The following ALOXE3 variants were observed in gnomAD, a reference collection of about 807,000 sequenced individuals.
ALOXE3 encodes the protein arachidonate epidermal lipoxygenase 3, also known as hydroperoxide isomerase ALOXE3.
In ALOXE3, 78 loss-of-function variants were observed where a neutral mutation model predicts 87.5. That is an observed-to-expected ratio of 0.89 (90% CI 0.74 to 1.08). The LOEUF (loss-of-function observed/expected upper bound fraction) is 1.08. Among genes scored for constraint, ALOXE3 ranks in the 50% least tolerant of loss-of-function variants. The pLI is 0.00. For missense variants in ALOXE3, 946 were observed against 912.4 expected, an observed-to-expected ratio of 1.04 and a Z score of -0.47; for synonymous variants, 363 against 370.8, an observed-to-expected ratio of 0.98 and a Z score of 0.24.
In ALOXE3 at chr17:8,118,461, C is replaced by T. The variant is rs1281747265; in HGVS notation, c.-314+25G>A. 2.6e-6 allele frequency: 4 copies of T among 1,549,658 alleles called. No homozygotes were observed. The African/African-American group carries it at 5.5e-5, about 21-fold the overall frequency. On this transcript the variant is annotated intron_variant, in intron 1 of 15. Transcript: ENST00000448843. ...CCCCAAGATCTGTTCCTCCCCATTC[C>T]CAGGCAGAGATGAGCACAGGGCACC...
At chr17:8,106,301 T>A (rs943721522) in intron 13 of ALOXE3, among the ~76,000 whole-genome samples, 9 of 151,620 alleles carry the variant, frequency 5.9e-5, no homozygotes, top group Non-Finnish European at 1.3e-4. Context: ...AACAGAGAGG[T>A]TGGGAGGCAA....
chr17:8,096,797 C>A lies in ALOXE3; in HGVS notation c.1966G>T (p.Gly656Cys). 1 of 1,614,086 alleles carries A rather than the reference C, an allele frequency of 6.2e-7. No homozygotes were observed. Among genetic ancestry groups the A allele is most frequent in the Non-Finnish European group, 8.5e-7 (1 of 1,180,002 alleles). The change falls in exon 16 of 16, where the codon GGC (glycine) becomes TGC (cysteine). Residue 656 changes from glycine (G) to cysteine (C), a missense_variant. Physicochemically the swap from Gly to Cys is radical, Grantham distance 159. Coordinates refer to ENST00000448843, the MANE Select transcript of ALOXE3 (RefSeq NM_021628.3). The part of the protein sequence containing the change: ...SQEPKDQRPL[G>C]TYPDEHFTEE... ...GTGAAGTGCTCATCTGGGTAGGTGC[C>A]CAGGGGCCTCTGGGAGGACATCAGG... is the stretch of plus-strand genomic sequence containing the variant.
intron 3 of ALOXE3, among the ~76,000 whole-genome samples, chr17:8,116,102 T>C (rs1980564853): frequency 6.6e-6 from 1 of 152,220 alleles, no homozygotes. Flanking sequence ...GGATGAGAGT[T>C]TATAGTGAGG....
Position 8,118,141 on chromosome 17 carries a change from T to A in ALOXE3, c.-151A>T. Reference sequence around the variant, plus strand: ...AGGGCTGAGGATGGGCCCAGCTCTCTCTGGGATGTTCCTGGGCTTTCTCTC... The same window carrying A: ...AGGGCTGAGGATGGGCCCAGCTCTCACTGGGATGTTCCTGGGCTTTCTCTC... On this transcript the variant is annotated 5_prime_UTR_variant, in exon 2 of 16. Transcript: ENST00000448843. 1.3e-6 allele frequency: 2 copies of A among 1,551,422 alleles called. No individual in the cohort carries two copies. Among genetic ancestry groups the A allele is most frequent in the Non-Finnish European group, 1.7e-6 (2 of 1,147,016 alleles).
intron 8 of ALOXE3, 52 bp downstream of exon 8, chr17:8,111,307 G>C: frequency 1.2e-6 from 2 of 1,605,736 alleles, no homozygotes; most frequent in East Asian, 2.2e-5. Flanking sequence ...GTCCATAATG[G>C]TGACACACCC....
intron 5 of ALOXE3, 105 bp downstream of exon 5, chr17:8,114,833 T>C: frequency 6.5e-7 from 1 of 1,548,522 alleles, no homozygotes; most frequent in East Asian, 2.2e-5. Context: ...TGAAACTGCA[T>C]TGTCATAGAC....
chr17:8,117,950 A>G lies in ALOXE3; in HGVS notation c.41T>C (p.Leu14Pro), dbSNP rs1214685616. 6 of 1,612,250 alleles carry G rather than the reference A, an allele frequency of 3.7e-6. No homozygotes were observed. Among genetic ancestry groups the G allele is most frequent in the Non-Finnish European group, 5.1e-6 (6 of 1,179,664 alleles). The change falls in exon 2 of 16, where the codon CTG becomes CCG. Residue 14 changes from leucine (L) to proline (P), a missense_variant. Transcript: ENST00000448843. ...YRLCVTTGPY[L>P]RAGTLDNISV... is the part of the protein sequence containing the mutation. ...GATGTTGTCCAGTGTGCCGGCCCTC[A>G]GGTAGGGACCAGTGGTCACACACAG...
upstream of ALOXE3, chr17:8,118,656 C>A: frequency 6.5e-7 from 1 of 1,537,284 alleles, no homozygotes; most frequent in Non-Finnish European, 8.7e-7. Flanking sequence ...GATCCCCCCA[C>A]GCATGGCCCT....
chr17:8,113,702 G>T (rs1433849229), intron 6 of ALOXE3, among the ~76,000 whole-genome samples: 1 of 151,804 alleles, frequency 6.6e-6, no homozygotes, highest in African/African-American at 2.4e-5. Flanking sequence ...ACAAGTAGGC[G>T]TGTGGCAATA....
At chr17:8,109,383 T>TC (rs1411351370) in intron 11 of ALOXE3, 40 bp from the exon 12 acceptor site, 1 of 1,606,324 alleles carries the variant, frequency 6.2e-7, no homozygotes, top group South Asian at 1.1e-5. Flanking sequence ...GCCGGCCCAA[T>TC]CCCCACCCTA....
chr17:8,116,679 C>T, intron 3 of ALOXE3, 97 bp downstream of exon 3: 51 of 1,425,092 alleles, frequency 3.6e-5, no homozygotes, highest in Non-Finnish European at 4.9e-5. Flanking sequence ...TTTCTGACCT[C>T]AATCTTATTC....
chr17:8,100,336 A>C (rs1345877079), intron 15 of ALOXE3, among the ~76,000 whole-genome samples: 1 of 152,064 alleles, frequency 6.6e-6, no homozygotes, highest in Non-Finnish European at 1.5e-5. Context: ...ATGGAGAGAG[A>C]GAAAAACCAC....
chr17:8,106,017 A>G (rs1276541693), intron 13 of ALOXE3, among the ~76,000 whole-genome samples: 1 of 151,192 alleles, frequency 6.6e-6, no homozygotes, highest in African/African-American at 2.4e-5. Flanking sequence ...CTGCAGAGGC[A>G]TGCAGGGCCA....
intron 2 of ALOXE3, 140 bp from the exon 3 acceptor site, chr17:8,117,120 T>A: frequency 1.2e-6 from 1 of 815,814 alleles, no homozygotes; most frequent in Non-Finnish European, 1.9e-6. Context: ...GGCTTTTGTA[T>A]GAATTAGAAA....
At chr17:8,113,902 G>T (rs1980330237) in intron 6 of ALOXE3, among the ~76,000 whole-genome samples, 1 of 151,862 alleles carries the variant, frequency 6.6e-6, no homozygotes. Flanking sequence ...GCACCTGCCT[G>T]TAGTCCCAGC....
At chr17:8,116,523 A>G (rs577860679) in intron 3 of ALOXE3, among the ~76,000 whole-genome samples, 1 of 152,232 alleles carries the variant, frequency 6.6e-6, no homozygotes, top group East Asian at 1.9e-4. Flanking sequence ...AGTGCTTCCT[A>G]TGTGTATGAG....
intron 13 of ALOXE3, among the ~76,000 whole-genome samples, chr17:8,107,526 G>A (rs1020963113): frequency 2.0e-5 from 3 of 151,720 alleles, no homozygotes; most frequent in African/African-American, 4.8e-5. Context: ...CGCACCAGGC[G>A]AGGTGGCTCA....
upstream of ALOXE3, chr17:8,118,759 C>G: frequency 1.3e-6 from 2 of 1,537,324 alleles, no homozygotes; most frequent in Non-Finnish European, 1.7e-6. Flanking sequence ...CAAACAGGGT[C>G]TGAATGCCCC....
chr17:8,118,633 C>T (rs867362712), upstream of ALOXE3: 79 of 1,536,788 alleles, frequency 5.1e-5, no homozygotes, highest in South Asian at 8.2e-4. Flanking sequence ...AGCTCCCTGT[C>T]ACCCCATACA....
Sources: allele counts gnomAD v4.1 joint callset (sites outside exome capture counted in the v4.1 genomes callset), GRCh38; gene constraint gnomAD v4.1.1; transcripts MANE v1.5; gene names NCBI Gene and HGNC (gene_info 2026-07-23, HGNC 2026-07-21).